The following HSF2BP variants were observed in gnomAD, a reference collection of about 807,000 sequenced individuals.
HSF2BP encodes heat shock transcription factor 2 binding protein, also known as heat shock factor 2-binding protein.
Under a neutral mutation model 35.0 loss-of-function variants are expected in HSF2BP, and 35 were observed. That is an observed-to-expected ratio of 1.00 (90% CI 0.76 to 1.32). HSF2BP has a LOEUF of 1.32. HSF2BP is among the 40% of genes most tolerant of loss of function. HSF2BP has a pLI of 0.00. For missense variants in HSF2BP, 326 were observed against 321.7 expected (o/e 1.01, Z -0.10); for synonymous variants, 114 against 117.4 (o/e 0.97, Z 0.18).
At chr21:43,610,709 G>A (rs760611492) in intron 7 of HSF2BP, among the ~76,000 whole-genome samples, 4 of 152,138 alleles carry the variant, frequency 2.6e-5, no homozygotes, top group South Asian at 2.1e-4. Flanking sequence ...TGGGAAACAC[G>A]AACACTGACA....
chr21:43,457,817 G>C, the HSF2BP span, among the ~76,000 whole-genome samples: 1 of 7,768 alleles, frequency 1.3e-4, no homozygotes, highest in African/African-American at 5.6e-4. Flanking sequence ...CTGTCCATGT[G>C]GGGGTCTCCC....
At chr21:43,583,900 A>ACCTGCTGAGGGAGATGAAGGG (rs1568886866) in intron 8 of HSF2BP, among the ~76,000 whole-genome samples, 1 of 105,350 alleles carries the variant, frequency 9.5e-6, no homozygotes, top group Non-Finnish European at 1.9e-5. Context: ...GGAGATGAAG[A>ACCTGCTGAGGGAGATGAAGGG]CCTGCTGAGG....
intron 8 of HSF2BP, among the ~76,000 whole-genome samples, chr21:43,585,335 G>T (rs2081835280): frequency 6.6e-6 from 1 of 151,974 alleles, no homozygotes; most frequent in South Asian, 2.1e-4. Flanking sequence ...ATGTTTTTTT[G>T]TGTCTCACTC....
chr21:43,650,266 G>A (rs182258962), intron 3 of HSF2BP, among the ~76,000 whole-genome samples: 1 of 152,186 alleles, frequency 6.6e-6, no homozygotes, highest in African/African-American at 2.4e-5. Context: ...GAGTGCAGTG[G>A]TGCGATCTCG....
At chr21:43,579,491 A>G (rs943074001) in intron 8 of HSF2BP, among the ~76,000 whole-genome samples, 2 of 152,224 alleles carry the variant, frequency 1.3e-5, no homozygotes, top group African/African-American at 4.8e-5. Flanking sequence ...GCCACAGTGT[A>G]TTTTGAAGTA....
At chr21:43,587,437 G>A (rs147246102) in intron 8 of HSF2BP, among the ~76,000 whole-genome samples, 1,951 of 151,938 alleles carry the variant, frequency 0.013, 43 homozygotes, top group African/African-American at 0.043. Flanking sequence ...AGGCTGAGGC[G>A]GGCAGATCAC....
At chr21:43,499,914 C>T in the HSF2BP span, among the ~76,000 whole-genome samples, 3 of 104,246 alleles carry the variant, frequency 2.9e-5, no homozygotes, top group African/African-American at 4.6e-5. Context: ...GTATACCACA[C>T]GTGATCACAC....
At chr21:43,630,574 C>T in intron 5 of HSF2BP, 120 bp from the exon 6 acceptor site, 1 of 1,269,880 alleles carries the variant, frequency 7.9e-7, no homozygotes. Context: ...AATCTATTCC[C>T]TCATTAAAAG....
At chr21:43,644,709 C>G (rs765009779) in intron 3 of HSF2BP, among the ~76,000 whole-genome samples, 1 of 152,210 alleles carries the variant, frequency 6.6e-6, no homozygotes, top group African/African-American at 2.4e-5. Flanking sequence ...GAAGGCAGAG[C>G]TGAGAAGCCC....
intron 6 of HSF2BP, among the ~76,000 whole-genome samples, chr21:43,615,179 A>C (rs1320486975): frequency 6.6e-6 from 1 of 152,214 alleles, no homozygotes. Context: ...ACTGACTAAG[A>C]TTTCTAAGCC....
chr21:43,607,838 CA>C (rs1292582367), intron 7 of HSF2BP, among the ~76,000 whole-genome samples: 3 of 152,110 alleles, frequency 2.0e-5, no homozygotes, highest in Non-Finnish European at 4.4e-5. Context: ...CAAAAATAAG[CA>C]ATGAGGAAAG....
At chr21:43,630,272 A>C in intron 6 of HSF2BP, 50 bp downstream of exon 6, 1 of 1,519,236 alleles carries the variant, frequency 6.6e-7, no homozygotes. Context: ...GCTTTACTGC[A>C]GTGGTCTGGA....
chr21:43,593,884 A>T (rs954280247), intron 7 of HSF2BP, among the ~76,000 whole-genome samples: 1 of 152,190 alleles, frequency 6.6e-6, no homozygotes, highest in African/African-American at 2.4e-5. Context: ...AAGGAAAAAA[A>T]TGTTTCAAAA....
intron 6 of HSF2BP, among the ~76,000 whole-genome samples, chr21:43,621,952 C>T (rs2082336005): frequency 6.6e-6 from 1 of 152,092 alleles, no homozygotes; most frequent in African/African-American, 2.4e-5. Context: ...ACAATCAGAG[C>T]TACAGCGACC....
intron 8 of HSF2BP, among the ~76,000 whole-genome samples, chr21:43,584,177 G>A (rs1401525395): frequency 1.3e-5 from 2 of 151,874 alleles, no homozygotes; most frequent in African/African-American, 4.8e-5. Context: ...GCCTGCTGAG[G>A]GAGATGAGGA....
intron 8 of HSF2BP, among the ~76,000 whole-genome samples, chr21:43,581,396 AAAG>A (rs2081730034): frequency 6.6e-6 from 1 of 152,072 alleles, no homozygotes; most frequent in Non-Finnish European, 1.5e-5. Flanking sequence ...AAAAAAAAAA[AAAG>A]AAAGAAAAGA....
At chr21:43,576,280 T>C (rs2081643343) in intron 8 of HSF2BP, among the ~76,000 whole-genome samples, 1 of 152,234 alleles carries the variant, frequency 6.6e-6, no homozygotes, top group Admixed American at 6.5e-5. Flanking sequence ...TGTGAGTTCC[T>C]AATTGTCTGC....
At chr21:43,575,529 G>C (rs1478078823) in intron 8 of HSF2BP, among the ~76,000 whole-genome samples, 1 of 152,210 alleles carries the variant, frequency 6.6e-6, no homozygotes, top group Non-Finnish European at 1.5e-5. Context: ...ACTTACACTT[G>C]ACTAGCAATT....
intron 3 of HSF2BP, among the ~76,000 whole-genome samples, chr21:43,655,054 C>T (rs1441085130): frequency 1.3e-5 from 2 of 152,172 alleles, no homozygotes; most frequent in Non-Finnish European, 2.9e-5. Flanking sequence ...GGCCCTCACT[C>T]GGTTTGATTT....
Sources: gnomAD v4.1 joint callset for allele counts (sites outside exome capture counted in the v4.1 genomes callset) on GRCh38, gnomAD v4.1.1 for gene constraint, MANE v1.5 for transcripts, NCBI Gene and HGNC (gene_info 2026-07-23, HGNC 2026-07-21) for gene names.